Variants in APC observed in about 807,000 individuals in gnomAD.
APC encodes the protein adenomatous polyposis coli protein.
In APC, 72 loss-of-function variants were observed where a neutral mutation model predicts 247.0. The ratio of observed to expected loss-of-function variants is 0.29; its 90% CI spans 0.24 to 0.35. The LOEUF (loss-of-function observed/expected upper bound fraction) is 0.35. APC is among the 10% of genes least tolerant of loss of function. The probability of loss-of-function intolerance (pLI) is 1.00; values close to 1 mark genes in which losing one functional copy is unlikely to be tolerated. For missense variants in APC, 3,400 were observed against 3,360.7 expected (o/e 1.01, Z -0.29); for synonymous variants, 1,254 against 1,162.5 (o/e 1.08, Z -1.60).
chr5:112,830,835 T>C (rs1764217005), intron 14 of APC, among the ~76,000 whole-genome samples: 2 of 152,164 alleles, frequency 1.3e-5, no homozygotes, highest in Admixed American at 6.5e-5. Context: ...GGGGATGATA[T>C]AAATGTTTGT....
Position 112,841,105 on chromosome 5 carries a change from T to C in APC, c.5511T>C (p.Ser1837=), listed in dbSNP as rs754225941. The change falls in exon 16 of 16, where the codon AGT becomes AGC. Residue 1837 remains serine (S), a synonymous_variant. Transcript: ENST00000257430. This position sits in a 1 kb window ranked among gnomAD's most constrained non-coding sequence, Gnocchi z 4.6. The part of the protein sequence containing the change: ...LPNNEDRVRG[S]FAFDSPHHYT... ...ATAATGAAGATAGAGTCAGAGGAAG[T>C]TTTGCTTTTGATTCACCTCATCATT... 1.2e-6 allele frequency: 2 copies of C among 1,613,054 alleles called. No individual in the cohort carries two copies. The highest frequency in any genetic ancestry group is 2.2e-5 in the South Asian group (2 of 91,058).
intron 6 of APC, among the ~76,000 whole-genome samples, chr5:112,786,886 CTTTTTTTT>C (rs1171592849): frequency 8.5e-6 from 1 of 118,126 alleles, no homozygotes; most frequent in Admixed American, 1.0e-4. Context: ...TTTTCTTTTT[CTTTTTTTT>C]TTTTTTTTTT....
intron 9 of APC, among the ~76,000 whole-genome samples, chr5:112,818,220 A>G (rs1328484546): frequency 6.6e-6 from 1 of 152,246 alleles, no homozygotes; most frequent in Non-Finnish European, 1.5e-5. Context: ...CTTTTATATA[A>G]TACCCTCTAG....
chr5:112,732,685 C>T (rs1752159237), intron 1 of APC, among the ~76,000 whole-genome samples: 1 of 152,074 alleles, frequency 6.6e-6, no homozygotes, highest in African/African-American at 2.4e-5. Flanking sequence ...GAGGGCTCTT[C>T]CCTTGGGATT....
rs2149989152 is a variant in APC at position 112,843,131 on chromosome 5, C to T, written c.7537C>T (p.Pro2513Ser). ...GWRKLPPNLSPTIEYNDGRPA... is the reference protein window; with the variant it reads ...GWRKLPPNLSSTIEYNDGRPA... ...GCGAAAACTCCCACCTAATCTCAGT[C>T]CCACTATAGAGTATAATGATGGAAG... Residue 2513 changes from proline (P) to serine (S), a missense_variant, in exon 16 of 16, where the codon CCC becomes TCC. Around this residue, in one of 9 missense-constraint regions of APC, gnomAD observed 1,788 missense variants for 1,649.5 expected, o/e 1.08. Transcript: ENST00000257430. This position sits in a 1 kb window ranked among gnomAD's most constrained non-coding sequence, Gnocchi z 4.8. The T allele has an allele frequency of 1.2e-6, 2 of 1,613,926 alleles. No homozygotes were observed. The highest frequency in any genetic ancestry group is 1.7e-6 in the Non-Finnish European group (2 of 1,179,828).
At chr5:112,759,160 T>C (rs1208718198) in intron 2 of APC, among the ~76,000 whole-genome samples, 1 of 152,172 alleles carries the variant, frequency 6.6e-6, no homozygotes, top group African/African-American at 2.4e-5. Flanking sequence ...TTTCAGAATG[T>C]ATTTTGAAGA....
rs2150005596 is a variant in APC at position 112,844,043 on chromosome 5, G to A, written c.8449G>A (p.Asp2817Asn). Residue 2817 changes from aspartate (D) to asparagine (N), a missense_variant, in exon 16 of 16, where the codon GAT (aspartate) becomes AAT (asparagine). This residue lies in a region of APC where 1,788 missense variants were observed against 1,649.5 expected (regional missense o/e 1.08). Transcript: ENST00000257430. ...AGTGAATAACAACACAAAGAAGCGA[G>A]ATTCCAAAACTGACAGCACAGAATC... ...TPVNNNTKKRDSKTDSTESSG... is the reference protein window; with the variant it reads ...TPVNNNTKKRNSKTDSTESSG... 1 of 1,602,430 alleles carries A rather than the reference G, an allele frequency of 6.2e-7. No homozygotes were observed. The highest frequency in any genetic ancestry group is 1.8e-5 in the Admixed American group (1 of 56,706).
Position 112,763,372 on chromosome 5 carries a change from T to C in APC, c.136-2954T>C, listed in dbSNP as rs76994479. Among the ~76,000 whole-genome samples, 2 of 148,272 alleles carry C rather than the reference T, an allele frequency of 1.3e-5. No homozygotes were observed. The highest frequency in any genetic ancestry group is 5.0e-5 in the African/African-American group (2 of 40,156). ...CATCATATTTTGCAGGTTTTTTTTTTCTGTGTAATTTATTGTCATCTTACG... is the reference window on the plus strand; with the variant it reads ...CATCATATTTTGCAGGTTTTTTTTTCCTGTGTAATTTATTGTCATCTTACG... On this transcript the variant is annotated intron_variant, in intron 2 of 15. Transcript: ENST00000257430.
Position 112,842,263 on chromosome 5 carries a change from A to G in APC, c.6669A>G (p.Ser2223=), listed in dbSNP as rs372680843. The G allele has an allele frequency of 2.0e-4, 324 of 1,613,948 alleles. No homozygotes were observed. Among genetic ancestry groups the G allele is most frequent in the Non-Finnish European group, 2.5e-4 (293 of 1,179,942 alleles). ...MKQPLQANMP[S]ISRGRTMIHI... is the part of the protein sequence containing the mutation. ...AGCCCCTTCAAGCAAACATGCCTTCAATCTCTCGAGGCAGGACAATGATTC... is the reference window on the plus strand; with the variant it reads ...AGCCCCTTCAAGCAAACATGCCTTCGATCTCTCGAGGCAGGACAATGATTC... The change falls in exon 16 of 16, where the codon TCA becomes TCG. Residue 2223 remains serine (S), a synonymous_variant. Transcript: ENST00000257430.
upstream of APC, among the ~76,000 whole-genome samples, chr5:112,737,383 T>C (rs1301746621): frequency 6.6e-6 from 1 of 152,246 alleles, no homozygotes; most frequent in African/African-American, 2.4e-5. Flanking sequence ...CTGGTAACTA[T>C]TTTTAATTCA....
intron 5 of APC, chr5:112,777,900 C>CT (rs1231746971): frequency 4.9e-6 from 1 of 203,412 alleles, no homozygotes; most frequent in Non-Finnish European, 1.1e-5. Flanking sequence ...ATCAGATTCA[C>CT]TGTCAGATAA....
intron 8 of APC, among the ~76,000 whole-genome samples, chr5:112,813,049 G>C (rs187819447): frequency 2.5e-3 from 374 of 152,282 alleles, no homozygotes; most frequent in African/African-American, 8.6e-3. Flanking sequence ...TCTGGACTCT[G>C]AACTAGTATT....
chr5:112,708,168 A>G (rs1750638746), intron 1 of APC, among the ~76,000 whole-genome samples: 1 of 152,176 alleles, frequency 6.6e-6, no homozygotes, highest in South Asian at 2.1e-4. Context: ...CATTCGCGTT[A>G]GGTGGGTGGG....
At position 112,786,991 on chromosome 5, in the gene APC, G is replaced by A. The variant is rs1014112743; in HGVS notation, c.646-5455G>A. Among the ~76,000 whole-genome samples, 4 of 147,722 alleles carry A rather than the reference G, an allele frequency of 2.7e-5. No homozygotes were observed. The South Asian group carries it at 8.6e-4, about 32-fold the overall frequency. On this transcript the variant is annotated intron_variant, in intron 6 of 15. Coordinates refer to ENST00000257430, the MANE Select transcript of APC (RefSeq NM_000038.6). ...CAACCTCCGCCTCTAAGGTTCAAACGATTCTTGTGCCTCAGGCTCCCAAGT... is the reference window on the plus strand; with the variant it reads ...CAACCTCCGCCTCTAAGGTTCAAACAATTCTTGTGCCTCAGGCTCCCAAGT...
intron 7 of APC, among the ~76,000 whole-genome samples, chr5:112,797,474 T>TA (rs926095224): frequency 2.0e-5 from 3 of 152,162 alleles, no homozygotes; most frequent in Non-Finnish European, 4.4e-5. Context: ...CTACCTGTAT[T>TA]ATAACTCTGG....
chr5:112,794,018 T>C (rs1759929591), intron 7 of APC, among the ~76,000 whole-genome samples: 1 of 148,820 alleles, frequency 6.7e-6, no homozygotes. Flanking sequence ...TTTCTTTTTT[T>C]AAGAGACGTG....
At position 112,767,096 on chromosome 5, in the gene APC, C is replaced by A. The variant is rs139970703; in HGVS notation, c.221-93C>A. 84 of 1,108,430 alleles carry A rather than the reference C, an allele frequency of 7.6e-5. No homozygotes were observed. In the African/African-American group the frequency reaches 1.2e-3, roughly 16 times the overall value. 68.7% of individuals were successfully genotyped at this position (1,108,430 alleles called of 1,614,324 possible). A position where few individuals can be genotyped will look rare whatever the true frequency, so the allele number is the denominator to read the frequency against. ...TGTATATTTGTGGTTAAAATGTAAA[C>A]CTAATATTTCACTTTAAAATAATAT... On this transcript the variant is annotated intron_variant, in intron 3 of 15. Transcript: ENST00000257430.
chr5:112,743,725 C>A (rs1005622149), intron 1 of APC, among the ~76,000 whole-genome samples: 1 of 152,188 alleles, frequency 6.6e-6, no homozygotes, highest in African/African-American at 2.4e-5. Flanking sequence ...AACACCAGTT[C>A]TGTGGGCGCT....
chr5:112,724,011 T>C (rs1051631514), intron 1 of APC, among the ~76,000 whole-genome samples: 1 of 152,148 alleles, frequency 6.6e-6, no homozygotes. Flanking sequence ...TGAGGAGCTA[T>C]CTGGGGAATA....
Sources: gnomAD v4.1 joint callset for allele counts (sites outside exome capture counted in the v4.1 genomes callset) on GRCh38, gnomAD v4.1.1 for gene constraint, gnomAD v4.1.1 regional missense constraint, Gnocchi (gnomAD v3.1) non-coding constraint, MANE v1.5 for transcripts, NCBI Gene and HGNC (gene_info 2026-07-23, HGNC 2026-07-21) for gene names.